SGPP2: variants seen among roughly 807,000 people sequenced by gnomAD.
SGPP2 encodes sphingosine 1-phosphate phosphohydrolase 2.
SGPP2 carries 30 observed loss-of-function variants against 33.9 expected under a neutral mutation model. The observed-to-expected ratio is 0.89, with a 90% CI of 0.66 to 1.20. The LOEUF is 1.20. Ranked by LOEUF, SGPP2 falls within the 50% of genes most tolerant of loss-of-function variation. The probability of loss-of-function intolerance (pLI) is 0.00; values close to 1 mark genes in which losing one functional copy is unlikely to be tolerated. For synonymous variants in SGPP2, 233 were observed against 225.0 expected, an observed-to-expected ratio of 1.04 and a Z score of -0.32; for missense variants, 458 against 532.1, an observed-to-expected ratio of 0.86 and a Z score of 1.37.
At chr2:222,446,195 A>G (rs1697396267) in intron 1 of SGPP2, among the ~76,000 whole-genome samples, 1 of 152,104 alleles carries the variant, frequency 6.6e-6, no homozygotes, top group African/African-American at 2.4e-5. Flanking sequence ...TGAGTACGGT[A>G]TAGGTAGAAA....
chr2:222,491,894 A>C (rs545157287), intron 2 of SGPP2, among the ~76,000 whole-genome samples: 1 of 152,362 alleles, frequency 6.6e-6, no homozygotes, highest in African/African-American at 2.4e-5. Flanking sequence ...ATGGGGGTAC[A>C]GGCATTGGGT....
intron 2 of SGPP2, among the ~76,000 whole-genome samples, chr2:222,487,229 A>G (rs1698125187): frequency 6.6e-6 from 1 of 152,186 alleles, no homozygotes; most frequent in Non-Finnish European, 1.5e-5. Context: ...CCAAGTGAAA[A>G]TTGCTCAGCC....
chr2:222,438,337 G>A (rs533861225), intron 1 of SGPP2, among the ~76,000 whole-genome samples: 1 of 152,358 alleles, frequency 6.6e-6, no homozygotes, highest in South Asian at 2.1e-4. Flanking sequence ...GTGTTTGCTA[G>A]TTCTTGCTCA....
chr2:222,512,286 C>T (rs1281933829), intron 2 of SGPP2, among the ~76,000 whole-genome samples: 2 of 152,170 alleles, frequency 1.3e-5, no homozygotes, highest in Non-Finnish European at 2.9e-5. Flanking sequence ...ACTGGGATTA[C>T]AGGCGTGAAC....
chr2:222,479,307 C>G (rs1164986314), intron 2 of SGPP2, among the ~76,000 whole-genome samples: 1 of 150,722 alleles, frequency 6.6e-6, no homozygotes, highest in African/African-American at 2.4e-5. Context: ...AAGTTTTCTT[C>G]TATTGAATAT....
intron 1 of SGPP2, among the ~76,000 whole-genome samples, chr2:222,432,212 A>C (rs1262619884): frequency 6.6e-6 from 1 of 152,204 alleles, no homozygotes; most frequent in Non-Finnish European, 1.5e-5. Flanking sequence ...GAGGGAGCCC[A>C]GTGGTGAAGC....
At position 222,530,952 on chromosome 2, in the gene SGPP2, C is replaced by T. The variant is rs1411732889; in HGVS notation, c.648+5919C>T. On this transcript the variant is annotated intron_variant, in intron 4 of 4. Transcript: ENST00000321276. ...GAGAGTCTGAGGAGAGAGGTTTGCT[C>T]GAGCCCAGGAGTTGGAGGCTGTAGT... 3.9e-5 allele frequency among the ~76,000 whole-genome samples: 6 copies of T among 152,096 alleles called. No homozygotes were observed. In the East Asian group the frequency reaches 5.8e-4, roughly 15 times the overall value.
At chr2:222,458,800 C>A (rs1161062519) in intron 1 of SGPP2, among the ~76,000 whole-genome samples, 1 of 152,192 alleles carries the variant, frequency 6.6e-6, no homozygotes, top group Non-Finnish European at 1.5e-5. Context: ...CCTCACCTCA[C>A]CCCCAGCCCA....
intron 4 of SGPP2, among the ~76,000 whole-genome samples, chr2:222,547,227 G>C (rs952101394): frequency 1.3e-5 from 2 of 152,156 alleles, no homozygotes; most frequent in African/African-American, 4.8e-5. Context: ...AAAATCGCTT[G>C]AATGTTTGAC....
chr2:222,514,342 A>C (rs919435397), intron 2 of SGPP2, among the ~76,000 whole-genome samples: 2 of 152,192 alleles, frequency 1.3e-5, no homozygotes, highest in African/African-American at 4.8e-5. Flanking sequence ...AATGATGAAC[A>C]ATTCTTTTTT....
chr2:222,482,040 C>T (rs1392740828), intron 2 of SGPP2, among the ~76,000 whole-genome samples: 1 of 152,158 alleles, frequency 6.6e-6, no homozygotes, highest in Admixed American at 6.5e-5. Context: ...TTGATCATCT[C>T]CCAGATTGGA....
chr2:222,557,673 A>G (rs1435600569), intron 4 of SGPP2, among the ~76,000 whole-genome samples: 1 of 152,182 alleles, frequency 6.6e-6, no homozygotes, highest in Non-Finnish European at 1.5e-5. Flanking sequence ...GCAGGGAAGG[A>G]AGGAGGCGAT....
At chr2:222,458,328 T>A (rs997813854) in intron 1 of SGPP2, among the ~76,000 whole-genome samples, 1 of 152,150 alleles carries the variant, frequency 6.6e-6, no homozygotes, top group African/African-American at 2.4e-5. Flanking sequence ...GTGTTGGGAT[T>A]ACAGGTGTGA....
chr2:222,452,370 C>G (rs1296897560), intron 1 of SGPP2: 5 of 723,272 alleles, frequency 6.9e-6, no homozygotes, highest in Non-Finnish European at 1.3e-5. Context: ...TGCCCAGAGT[C>G]AAATTGAGTA....
At chr2:222,492,806 A>C (rs914789198) in intron 2 of SGPP2, among the ~76,000 whole-genome samples, 24 of 152,270 alleles carry the variant, frequency 1.6e-4, no homozygotes, top group Admixed American at 1.0e-3. Context: ...ATTTCAGATA[A>C]TCTCTCTCAT....
intron 1 of SGPP2, among the ~76,000 whole-genome samples, chr2:222,438,561 G>A (rs990165694): frequency 2.6e-5 from 4 of 152,232 alleles, no homozygotes; most frequent in African/African-American, 9.6e-5. Context: ...GGAGAAAAAG[G>A]CAGTTGCCAA....
intron 2 of SGPP2, among the ~76,000 whole-genome samples, chr2:222,488,999 T>C (rs913952773): frequency 1.3e-5 from 2 of 152,226 alleles, no homozygotes; most frequent in Non-Finnish European, 2.9e-5. Context: ...CCAAAAACAC[T>C]GTAACTTGGA....
chr2:222,534,966 A>C (rs938858862), intron 4 of SGPP2, among the ~76,000 whole-genome samples: 1 of 152,224 alleles, frequency 6.6e-6, no homozygotes, highest in African/African-American at 2.4e-5. Context: ...TGTTGGGATT[A>C]GGCCTTAGCA....
chr2:222,517,569 A>C (rs1056344754), intron 2 of SGPP2, among the ~76,000 whole-genome samples: 2 of 152,180 alleles, frequency 1.3e-5, no homozygotes, highest in Non-Finnish European at 2.9e-5. Context: ...CTTCCTGGAC[A>C]CTGGACAAGA....
Sources: allele counts gnomAD v4.1 joint callset (sites outside exome capture counted in the v4.1 genomes callset), GRCh38; gene constraint gnomAD v4.1.1; transcripts MANE v1.5; gene names NCBI Gene and HGNC (gene_info 2026-07-23, HGNC 2026-07-21).